Variants in ACAN observed in about 807,000 individuals in gnomAD.
ACAN encodes aggrecan core protein.
ACAN carries 47 observed loss-of-function variants against 169.1 expected under a neutral mutation model. The ratio of observed to expected loss-of-function variants is 0.28; its 90% CI spans 0.22 to 0.35. The LOEUF (loss-of-function observed/expected upper bound fraction) is 0.35, where lower values mean the gene tolerates loss of function less well. Ranked by LOEUF, ACAN falls within the 10% of genes least tolerant of loss-of-function variation. The pLI is 1.00. For missense variants in ACAN, 2,716 were observed against 2,759.9 expected, an observed-to-expected ratio of 0.98 and a Z score of 0.36; for synonymous variants, 1,115 against 1,112.2, an observed-to-expected ratio of 1.00 and a Z score of -0.05.
chr15:88,812,928 G>A (rs1463824706), intron 1 of ACAN, among the ~76,000 whole-genome samples: 1 of 152,110 alleles, frequency 6.6e-6, no homozygotes, highest in Non-Finnish European at 1.5e-5. Flanking sequence ...CTCCAAGATG[G>A]TTTCTATAGA....
chr15:88,855,272 C>T lies in ACAN; in HGVS notation c.2687C>T (p.Ser896Phe). 1 of 1,610,378 alleles carries T rather than the reference C, an allele frequency of 6.2e-7. No individual in the cohort carries two copies. The highest frequency in any genetic ancestry group is 8.5e-7 in the Non-Finnish European group (1 of 1,177,268). Residue 896 changes from serine to phenylalanine, a missense_variant, in exon 12 of 19, where the codon TCT becomes TTT. Physicochemically the swap from Ser to Phe is radical, Grantham distance 155. This residue lies in a region of ACAN where 1,283 missense variants were observed against 1,281.5 expected (regional missense o/e 1.00). Coordinates refer to ENST00000560601, the MANE Select transcript of ACAN (RefSeq NM_001369268.1). ...LSGDRASGLPSGDLDSSGLTS... is the reference protein window; with the variant it reads ...LSGDRASGLPFGDLDSSGLTS... ...GGGGACAGGGCAAGTGGACTGCCCTCTGGAGACCTGGACTCCAGTGGTCTT... is the reference window on the plus strand; with the variant it reads ...GGGGACAGGGCAAGTGGACTGCCCTTTGGAGACCTGGACTCCAGTGGTCTT...
At chr15:88,825,915 C>G (rs1039139028) in intron 1 of ACAN, among the ~76,000 whole-genome samples, 1 of 152,200 alleles carries the variant, frequency 6.6e-6, no homozygotes, top group African/African-American at 2.4e-5. Flanking sequence ...CCGCCTGGCT[C>G]CTGGTCAGGA....
intron 8 of ACAN, 46 bp from the exon 9 acceptor site, chr15:88,847,865 G>C (rs1291440854): frequency 6.2e-7 from 1 of 1,600,056 alleles, no homozygotes; most frequent in South Asian, 1.1e-5. Context: ...GCATCTACCA[G>C]CCCCTGGAAC....
rs1219128169 is a variant in ACAN at position 88,836,121 on chromosome 15, G to A, written c.-7-79G>A. Reference sequence around the variant, plus strand: ...TCCTTGGGTGTGGAATTATCACTTTGCATCATATGTCACATGACTCTGCTT... The same window carrying A: ...TCCTTGGGTGTGGAATTATCACTTTACATCATATGTCACATGACTCTGCTT... On this transcript the variant is annotated intron_variant, in intron 1 of 18. Transcript: ENST00000560601. The A allele has an allele frequency of 1.2e-5, 12 of 991,966 alleles. No homozygotes were observed. The Admixed American group carries it at 2.1e-4, about 17-fold the overall frequency. 61.4% of individuals were successfully genotyped at this position (991,966 alleles called of 1,614,324 possible). A position where few individuals can be genotyped will look rare whatever the true frequency, so the allele number is the denominator to read the frequency against.
chr15:88,873,073 C>G lies in ACAN; in HGVS notation c.7447+48C>G, dbSNP rs778387855. ...TCAGGGGAGGATAGGATCAAGACCT[C>G]CAGCTACAGGTGAGGCTCTTGCTGT... On this transcript the variant is annotated intron_variant, in intron 17 of 18. Transcript: ENST00000560601. The surrounding 1 kb of genome is among the most constrained non-coding windows in gnomAD (Gnocchi z 7.5). 2.2e-5 allele frequency: 35 copies of G among 1,590,274 alleles called. No homozygotes were observed. The highest frequency in any genetic ancestry group is 2.8e-5 in the Non-Finnish European group (33 of 1,167,452).
rs367632651 is a variant in ACAN at position 88,807,808 on chromosome 15, G to T, written c.-8+3999G>T. On this transcript the variant is annotated intron_variant, in intron 1 of 18. Transcript: ENST00000560601. The surrounding 1 kb of genome is among the most constrained non-coding windows in gnomAD (Gnocchi z 4.0). ...TGTGCATGCTGGCAGGGCGGGCCCTGCGGGCTGGCCAGGCCTGTGAGAGGT... is the reference window on the plus strand; with the variant it reads ...TGTGCATGCTGGCAGGGCGGGCCCTTCGGGCTGGCCAGGCCTGTGAGAGGT... Among the ~76,000 whole-genome samples the T allele has an allele frequency of 6.7e-6, 1 of 150,084 alleles. No individual in the cohort carries two copies. The highest frequency in any genetic ancestry group is 1.5e-5 in the Non-Finnish European group (1 of 67,440).
In ACAN at chr15:88,874,860, G is replaced by A. The variant is rs1056441848; in HGVS notation, c.*379G>A. ...GACTTTATCCAAGAGCAGTGCAATC[G>A]TTGGTTATTTCACCTCCAGGGAGAG... On this transcript the variant is annotated 3_prime_UTR_variant, in exon 19 of 19. Transcript: ENST00000560601. This position sits in a 1 kb window ranked among gnomAD's most constrained non-coding sequence, Gnocchi z 7.3. 5.6e-6 allele frequency: 2 copies of A among 355,066 alleles called. No individual in the cohort carries two copies. The highest frequency in any genetic ancestry group is 2.2e-5 in the South Asian group (1 of 44,954). The allele number at this position is 355,066 out of a possible 1,614,324, so 22.0% of individuals were successfully genotyped here.
At chr15:88,815,888 C>T (rs1895930734) in intron 1 of ACAN, among the ~76,000 whole-genome samples, 1 of 152,188 alleles carries the variant, frequency 6.6e-6, no homozygotes, top group African/African-American at 2.4e-5. Context: ...AAACAATAGA[C>T]ATTTATAGTC....
At chr15:88,810,470 G>T (rs979444183) in intron 1 of ACAN, among the ~76,000 whole-genome samples, 2 of 152,016 alleles carry the variant, frequency 1.3e-5, no homozygotes, top group Admixed American at 6.6e-5. Flanking sequence ...CCTGTGTAGG[G>T]GATTTTTCCC....
intron 13 of ACAN, among the ~76,000 whole-genome samples, chr15:88,863,036 A>G (rs1255978302): frequency 1.3e-5 from 2 of 151,284 alleles, no homozygotes; most frequent in Admixed American, 1.3e-4. Context: ...ACCATGGATC[A>G]GTATCCTCGG....
Position 88,851,827 on chromosome 15 carries a change from A to C in ACAN, c.2060A>C (p.Glu687Ala). The change falls in exon 11 of 19, where the codon GAG becomes GCG. Residue 687 changes from glutamate (E) to alanine (A), a missense_variant. Glu to Ala is a moderately radical substitution (Grantham distance 107). Coordinates refer to ENST00000560601, the MANE Select transcript of ACAN (RefSeq NM_001369268.1). The surrounding 1 kb of genome is among the most constrained non-coding windows in gnomAD (Gnocchi z 4.3). Reference sequence around the variant, plus strand: ...GCGGTTCCTTCTCCAGGAGAAGAAGAGGGTGGCACACCCACATCACCCTCT... The same window carrying C: ...GCGGTTCCTTCTCCAGGAGAAGAAGCGGGTGGCACACCCACATCACCCTCT... ...ISAVPSPGEE[E>A]GGTPTSPSGV... is the part of the protein sequence containing the mutation. The C allele has an allele frequency of 1.2e-6, 2 of 1,607,818 alleles. No individual in the cohort carries two copies. The highest frequency in any genetic ancestry group is 8.5e-7 in the Non-Finnish European group (1 of 1,177,152).
In ACAN at chr15:88,871,129, G is replaced by A. The variant is rs1897368226; in HGVS notation, c.7061-253G>A. ...ATCAAGAGGAGGAAAGCTTGGGAGA[G>A]GGTGAGGGGGGAGGGCGTGGCATCA... On this transcript the variant is annotated intron_variant, in intron 14 of 18. Coordinates refer to ENST00000560601, the MANE Select transcript of ACAN (RefSeq NM_001369268.1). This position sits in a 1 kb window ranked among gnomAD's most constrained non-coding sequence, Gnocchi z 7.8. 6.6e-6 allele frequency among the ~76,000 whole-genome samples: 1 copy of A among 152,210 alleles called. No individual in the cohort carries two copies. Among genetic ancestry groups the A allele is most frequent in the Admixed American group, 6.5e-5 (1 of 15,276 alleles).
chr15:88,865,615 C>G (rs1454389123), intron 13 of ACAN, among the ~76,000 whole-genome samples: 1 of 152,168 alleles, frequency 6.6e-6, no homozygotes, highest in Non-Finnish European at 1.5e-5. Flanking sequence ...CCTCCCTTTC[C>G]TCTCTTTCCC....
chr15:88,845,043 G>C (rs929351360), intron 6 of ACAN, among the ~76,000 whole-genome samples: 1 of 152,182 alleles, frequency 6.6e-6, no homozygotes, highest in African/African-American at 2.4e-5. Flanking sequence ...ATGACTATGA[G>C]ACAGGCAGTT....
chr15:88,847,519 T>G, intron 8 of ACAN, 102 bp downstream of exon 8: 1 of 1,296,282 alleles, frequency 7.7e-7, no homozygotes, highest in Non-Finnish European at 1.0e-6. Flanking sequence ...CCCAATACCT[T>G]GTGGGTTAAT....
At position 88,849,589 on chromosome 15, in the gene ACAN, C is replaced by T. The variant is rs767663589; in HGVS notation, c.1884C>T (p.Ala628=). ...ACAAGTGCTATGCCGGCTGGCTGGC[C>T]GACGGCAGCCTCCGCTACCCCATCG... ...GLDKCYAGWL[A]DGSLRYPIVT... The change falls in exon 10 of 19, where the codon GCC becomes GCT. Residue 628 remains alanine (A), a synonymous_variant. Coordinates refer to ENST00000560601, the MANE Select transcript of ACAN (RefSeq NM_001369268.1). This position sits in a 1 kb window ranked among gnomAD's most constrained non-coding sequence, Gnocchi z 5.1. 4.2e-5 allele frequency: 68 copies of T among 1,607,808 alleles called. No individual in the cohort carries two copies. Among genetic ancestry groups the T allele is most frequent in the Middle Eastern group, 1.6e-4 (1 of 6,076 alleles).
At chr15:88,840,222 G>C (rs532796106) in intron 4 of ACAN, 36 bp downstream of exon 4, 2 of 1,537,780 alleles carry the variant, frequency 1.3e-6, no homozygotes, top group Non-Finnish European at 8.7e-7. Flanking sequence ...GGGGCCAGGA[G>C]TCAGCAGCCA....
At chr15:88,833,027 G>A (rs986868188) in intron 1 of ACAN, among the ~76,000 whole-genome samples, 3 of 152,198 alleles carry the variant, frequency 2.0e-5, no homozygotes, top group Non-Finnish European at 2.9e-5. Flanking sequence ...CACCCACGTC[G>A]AGGAGGGGTC....
At chr15:88,837,682 G>A (rs562134253) in intron 2 of ACAN, among the ~76,000 whole-genome samples, 8 of 152,298 alleles carry the variant, frequency 5.3e-5, no homozygotes, top group African/African-American at 1.7e-4. Flanking sequence ...CCCAGCACTC[G>A]GAGGAAGATG....
Sources: allele counts gnomAD v4.1 joint callset (sites outside exome capture counted in the v4.1 genomes callset), GRCh38; gene constraint gnomAD v4.1.1; regional missense constraint gnomAD v4.1.1; non-coding constraint Gnocchi (gnomAD v3.1); transcripts MANE v1.5; gene names NCBI Gene and HGNC (gene_info 2026-07-23, HGNC 2026-07-21).